The following NXPH1 variants were observed in gnomAD, a reference collection of about 807,000 sequenced individuals.
NXPH1 encodes neurexophilin 1, also known as neurexophilin-1.
NXPH1 carries 5 observed loss-of-function variants against 23.7 expected under a neutral mutation model. The observed-to-expected ratio is 0.21, with a 90% CI of 0.11 to 0.44. NXPH1 has a LOEUF of 0.44. NXPH1 is among the 20% of genes least tolerant of loss of function. The probability of loss-of-function intolerance (pLI) is 0.99; values close to 1 mark genes in which losing one functional copy is unlikely to be tolerated. For missense variants in NXPH1, 324 were observed against 321.6 expected, an observed-to-expected ratio of 1.01 and a Z score of -0.06; for synonymous variants, 144 against 122.2, an observed-to-expected ratio of 1.18 and a Z score of -1.18.
chr7:8,443,910 G>A (rs888994576), intron 2 of NXPH1, among the ~76,000 whole-genome samples: 1 of 152,090 alleles, frequency 6.6e-6, no homozygotes, highest in African/African-American at 2.4e-5. Flanking sequence ...ACACAACGTT[G>A]CCCTACCTCC....
chr7:8,648,125 A>T (rs1351037362), intron 2 of NXPH1, among the ~76,000 whole-genome samples: 6 of 152,314 alleles, frequency 3.9e-5, no homozygotes, highest in South Asian at 4.1e-4. Flanking sequence ...AGAATGGGGT[A>T]TCCATCCCCT....
At chr7:8,452,425 G>A (rs1451686509) in intron 2 of NXPH1, among the ~76,000 whole-genome samples, 1 of 152,068 alleles carries the variant, frequency 6.6e-6, no homozygotes, top group Non-Finnish European at 1.5e-5. Context: ...TCCACTGAAG[G>A]CATTTTTATC....
intron 2 of NXPH1, among the ~76,000 whole-genome samples, chr7:8,684,367 A>C (rs1821112664): frequency 6.6e-6 from 1 of 152,160 alleles, no homozygotes; most frequent in Non-Finnish European, 1.5e-5. Flanking sequence ...GATATGCGAT[A>C]CTTGATGTGA....
At chr7:8,577,657 G>C (rs1048205302) in intron 2 of NXPH1, among the ~76,000 whole-genome samples, 1 of 152,182 alleles carries the variant, frequency 6.6e-6, no homozygotes, top group African/African-American at 2.4e-5. Context: ...AAGCCAGCTT[G>C]AAGGCTTCCA....
Position 8,568,980 on chromosome 7 carries a change from T to C in NXPH1, c.54+133213T>C, listed in dbSNP as rs566369692. Among the ~76,000 whole-genome samples the C allele has an allele frequency of 9.1e-4, 139 of 152,028 alleles. 1 individual carries two copies. Among genetic ancestry groups the C allele is most frequent in the African/African-American group, 3.2e-3 (132 of 41,530 alleles). On this transcript the variant is annotated intron_variant, in intron 2 of 2. Transcript: ENST00000405863. Reference sequence around the variant, plus strand: ...TTATGGAATTAGAAAAAAATTATAATTTTAAAAGCCTTTAAAATATTGACC... The same window carrying C: ...TTATGGAATTAGAAAAAAATTATAACTTTAAAAGCCTTTAAAATATTGACC...
rs74498010 is a variant in NXPH1 at position 8,613,885 on chromosome 7, A to G, written c.55-137123A>G. Among the ~76,000 whole-genome samples, 502 of 152,008 alleles carry G rather than the reference A, an allele frequency of 3.3e-3. 3 individuals carry two copies. The highest frequency in any genetic ancestry group is 0.011 in the African/African-American group (462 of 41,542). On this transcript the variant is annotated intron_variant, in intron 2 of 2. Coordinates refer to ENST00000405863, the MANE Select transcript of NXPH1 (RefSeq NM_152745.3). ...ATACACACACATATACATATAAATC[A>G]CATATAGACTGAACACACGTGTATA...
At chr7:8,439,724 A>G (rs1306325355) in intron 2 of NXPH1, among the ~76,000 whole-genome samples, 2 of 152,222 alleles carry the variant, frequency 1.3e-5, no homozygotes, top group Non-Finnish European at 2.9e-5. Context: ...GAGTTTGGAG[A>G]GTAATTAATG....
intron 2 of NXPH1, among the ~76,000 whole-genome samples, chr7:8,595,038 T>C (rs1311169617): frequency 6.6e-6 from 1 of 152,010 alleles, no homozygotes; most frequent in East Asian, 1.9e-4. Context: ...GCTTCTACAC[T>C]AAGTGGAATC....
At chr7:8,748,526 C>G (rs1467422997) in intron 2 of NXPH1, among the ~76,000 whole-genome samples, 2 of 152,190 alleles carry the variant, frequency 1.3e-5, no homozygotes, top group African/African-American at 2.4e-5. Flanking sequence ...CCGTGTTTCT[C>G]TTAGATGTGA....
chr7:8,506,335 G>A (rs549881067), intron 2 of NXPH1, among the ~76,000 whole-genome samples: 1 of 152,184 alleles, frequency 6.6e-6, no homozygotes, highest in Admixed American at 6.5e-5. Flanking sequence ...TGAGACCTAG[G>A]AGCAAGGGAC....
chr7:8,492,054 G>A (rs1408319605), intron 2 of NXPH1, among the ~76,000 whole-genome samples: 1 of 151,982 alleles, frequency 6.6e-6, no homozygotes, highest in Non-Finnish European at 1.5e-5. Flanking sequence ...TTCTGTGAAT[G>A]TTTTACAAAA....
At chr7:8,512,461 C>T (rs1452036364) in intron 2 of NXPH1, among the ~76,000 whole-genome samples, 1 of 151,996 alleles carries the variant, frequency 6.6e-6, no homozygotes. Flanking sequence ...TAGAAGGGGA[C>T]AATACTGTGG....
At chr7:8,735,186 G>T (rs1168428852) in intron 2 of NXPH1, among the ~76,000 whole-genome samples, 1 of 152,162 alleles carries the variant, frequency 6.6e-6, no homozygotes, top group African/African-American at 2.4e-5. Flanking sequence ...ATGTTGAATA[G>T]GAGTGGTGAG....
chr7:8,751,835 A>C lies in NXPH1; in HGVS notation c.*66A>C, dbSNP rs1316166887. 2 of 1,436,348 alleles carry C rather than the reference A, an allele frequency of 1.4e-6. No individual in the cohort carries two copies. Among genetic ancestry groups the C allele is most frequent in the African/African-American group, 2.8e-5 (2 of 70,528 alleles). The allele number at this position is 1,436,348 out of a possible 1,614,324, so 89.0% of individuals were successfully genotyped here. ...GGTCATATGACAGGGCTGTTACCTC[A>C]AAGAAGAAGGTCACATCTGTTGCCT... On this transcript the variant is annotated 3_prime_UTR_variant, in exon 3 of 3. Coordinates refer to ENST00000405863, the MANE Select transcript of NXPH1 (RefSeq NM_152745.3). The surrounding 1 kb of genome is among the most constrained non-coding windows in gnomAD (Gnocchi z 4.5).
At chr7:8,738,443 C>G (rs1780300466) in intron 2 of NXPH1, among the ~76,000 whole-genome samples, 2 of 152,154 alleles carry the variant, frequency 1.3e-5, no homozygotes, top group African/African-American at 4.8e-5. Context: ...CTGGGTATCA[C>G]CAGAGGAGGC....
At chr7:8,527,258 G>A (rs551077565) in intron 2 of NXPH1, among the ~76,000 whole-genome samples, 15 of 152,222 alleles carry the variant, frequency 9.9e-5, no homozygotes, top group South Asian at 2.1e-4. Flanking sequence ...GTGACGTGTC[G>A]CCTCCCATGC....
At chr7:8,595,053 G>T (rs1287416213) in intron 2 of NXPH1, among the ~76,000 whole-genome samples, 1 of 151,942 alleles carries the variant, frequency 6.6e-6, no homozygotes, top group Non-Finnish European at 1.5e-5. Context: ...GGAATCTCAA[G>T]GTCACCCTGG....
chr7:8,552,124 A>AC (rs1562399842), intron 2 of NXPH1, among the ~76,000 whole-genome samples: 5 of 146,370 alleles, frequency 3.4e-5, no homozygotes, highest in East Asian at 2.0e-4. Flanking sequence ...CAAAAAAAAA[A>AC]AAAAAAAAAA....
At chr7:8,539,407 T>C (rs777838896) in intron 2 of NXPH1, among the ~76,000 whole-genome samples, 6 of 151,966 alleles carry the variant, frequency 3.9e-5, no homozygotes, top group South Asian at 4.1e-4. Context: ...ATGAACTGTT[T>C]GACTTTTAAA....
Sources: allele counts gnomAD v4.1 joint callset (sites outside exome capture counted in the v4.1 genomes callset), GRCh38; gene constraint gnomAD v4.1.1; non-coding constraint Gnocchi (gnomAD v3.1); transcripts MANE v1.5; gene names NCBI Gene and HGNC (gene_info 2026-07-23, HGNC 2026-07-21).